The following MYO1D variants were observed in gnomAD, a reference collection of about 807,000 sequenced individuals.
MYO1D encodes the protein unconventional myosin-Id.
In MYO1D, 83 loss-of-function variants were observed where a neutral mutation model predicts 122.0. The ratio of observed to expected loss-of-function variants is 0.68; its 90% CI spans 0.57 to 0.82. The LOEUF is 0.82. Among genes scored for constraint, MYO1D ranks in the 40% least tolerant of loss-of-function variants. MYO1D has a pLI of 0.00. For synonymous variants in MYO1D, 464 were observed against 446.9 expected, an observed-to-expected ratio of 1.04 and a Z score of -0.48; for missense variants, 1,157 against 1,269.5, an observed-to-expected ratio of 0.91 and a Z score of 1.35.
At chr17:32,641,368 C>T (rs1461065025) in intron 19 of MYO1D, among the ~76,000 whole-genome samples, 1 of 152,004 alleles carries the variant, frequency 6.6e-6, no homozygotes, top group African/African-American at 2.4e-5. Context: ...CAAGTCTTTG[C>T]TATTGTGAAT....
chr17:32,584,971 T>C (rs547676752), intron 21 of MYO1D, among the ~76,000 whole-genome samples: 1 of 152,272 alleles, frequency 6.6e-6, no homozygotes, highest in Non-Finnish European at 1.5e-5. Context: ...TCCTAATAGG[T>C]CTGTTAATTC....
intron 16 of MYO1D, among the ~76,000 whole-genome samples, chr17:32,673,899 T>C (rs1371880313): frequency 6.6e-6 from 1 of 152,244 alleles, no homozygotes; most frequent in Non-Finnish European, 1.5e-5. Context: ...AATACTGGTG[T>C]TTGGATTATT....
At chr17:32,661,655 CAA>C (rs11367680) in intron 16 of MYO1D, among the ~76,000 whole-genome samples, 1,769 of 147,482 alleles carry the variant, frequency 0.012, 29 homozygotes, top group African/African-American at 0.037. Flanking sequence ...GACCCTGTCC[CAA>C]AAAAAAAAAA....
intron 16 of MYO1D, among the ~76,000 whole-genome samples, chr17:32,687,465 G>C (rs1284157168): frequency 6.6e-6 from 1 of 152,128 alleles, no homozygotes; most frequent in Non-Finnish European, 1.5e-5. Context: ...CCAAAGTGCT[G>C]GGATTACAGG....
chr17:32,662,701 T>G (rs1401588911), intron 16 of MYO1D, among the ~76,000 whole-genome samples: 1 of 151,930 alleles, frequency 6.6e-6, no homozygotes, highest in African/African-American at 2.4e-5. Context: ...TGTGTAAACT[T>G]GGGCAAGCTT....
At chr17:32,757,089 T>C (rs893141803) in intron 10 of MYO1D, among the ~76,000 whole-genome samples, 2 of 152,222 alleles carry the variant, frequency 1.3e-5, no homozygotes, top group Non-Finnish European at 2.9e-5. Context: ...ATACTCATAA[T>C]AGACCATTCA....
chr17:32,698,259 C>A (rs937538119), intron 16 of MYO1D, among the ~76,000 whole-genome samples: 3 of 149,774 alleles, frequency 2.0e-5, no homozygotes, highest in Non-Finnish European at 4.4e-5. Flanking sequence ...TTTCTTTTTC[C>A]TTCCTTCCTT....
intron 19 of MYO1D, among the ~76,000 whole-genome samples, chr17:32,644,972 T>C (rs984736588): frequency 6.6e-6 from 1 of 152,242 alleles, no homozygotes; most frequent in Non-Finnish European, 1.5e-5. Context: ...TAGCTGGTTA[T>C]TTTGCTCATT....
chr17:32,778,388 C>CA lies in MYO1D; in HGVS notation c.398+91dup. ...TGCTCAGCCCATAGGTTTAGACCCC[C>CA]AAAATGCTCAACCCCTAGAGTTTAG... On this transcript the variant is annotated intron_variant, in intron 3 of 21. Transcript: ENST00000318217. 5.6e-6 allele frequency: 7 copies of CA among 1,260,996 alleles called. No individual in the cohort carries two copies. The South Asian group carries it at 7.6e-5, about 14-fold the overall frequency. 78.1% of individuals were successfully genotyped at this position (1,260,996 alleles called of 1,614,324 possible). A position where few individuals can be genotyped will look rare whatever the true frequency, so the allele number is the denominator to read the frequency against.
intron 19 of MYO1D, among the ~76,000 whole-genome samples, chr17:32,649,523 T>C (rs2088354740): frequency 2.0e-5 from 3 of 152,250 alleles, no homozygotes; most frequent in Non-Finnish European, 2.9e-5. Context: ...CATGTATTTA[T>C]GGCTTTTTAT....
chr17:32,770,744 T>C (rs1403849852), intron 6 of MYO1D, among the ~76,000 whole-genome samples: 6 of 152,190 alleles, frequency 3.9e-5, no homozygotes, highest in African/African-American at 1.4e-4. Context: ...CAAAGTGCAT[T>C]TTAATTTTGT....
At chr17:32,864,326 C>T (rs953224679) in intron 1 of MYO1D, among the ~76,000 whole-genome samples, 1 of 151,584 alleles carries the variant, frequency 6.6e-6, no homozygotes, top group African/African-American at 2.4e-5. Context: ...CAAGCTTAGT[C>T]CCTAGATTTG....
At chr17:32,616,143 C>T (rs1441657051) in intron 20 of MYO1D, among the ~76,000 whole-genome samples, 1 of 152,048 alleles carries the variant, frequency 6.6e-6, no homozygotes, top group Non-Finnish European at 1.5e-5. Flanking sequence ...GTTGGGTATG[C>T]GGGGCAGGTA....
intron 20 of MYO1D, among the ~76,000 whole-genome samples, chr17:32,617,543 C>A (rs1414244334): frequency 6.6e-6 from 1 of 152,148 alleles, no homozygotes. Context: ...TGGGTTCCAG[C>A]AATCCTCCTG....
chr17:32,590,988 A>G (rs2087433569), intron 21 of MYO1D, among the ~76,000 whole-genome samples: 1 of 152,254 alleles, frequency 6.6e-6, no homozygotes, highest in Admixed American at 6.5e-5. Flanking sequence ...TTTCAACATA[A>G]AAGACAATGA....
intron 1 of MYO1D, among the ~76,000 whole-genome samples, chr17:32,842,351 G>C (rs976787308): frequency 6.6e-6 from 1 of 152,136 alleles, no homozygotes; most frequent in Non-Finnish European, 1.5e-5. Flanking sequence ...AGGTTTCCGA[G>C]ACAGTTAATC....
At chr17:32,708,686 C>T (rs2089338144) in intron 16 of MYO1D, among the ~76,000 whole-genome samples, 1 of 152,110 alleles carries the variant, frequency 6.6e-6, no homozygotes, top group South Asian at 2.1e-4. Context: ...ACATAAGATA[C>T]CCTGGAATGG....
intron 16 of MYO1D, among the ~76,000 whole-genome samples, chr17:32,703,265 A>G (rs1350326698): frequency 5.9e-5 from 9 of 152,138 alleles, no homozygotes; most frequent in African/African-American, 2.2e-4. Flanking sequence ...CCCCAAATAA[A>G]AACAATTCAC....
chr17:32,591,890 C>T (rs571024102), intron 21 of MYO1D, among the ~76,000 whole-genome samples: 1 of 152,206 alleles, frequency 6.6e-6, no homozygotes, highest in South Asian at 2.1e-4. Context: ...GAAAAAACAC[C>T]TTCAGGTTAT....
Sources: allele counts gnomAD v4.1 joint callset (sites outside exome capture counted in the v4.1 genomes callset), GRCh38; gene constraint gnomAD v4.1.1; transcripts MANE v1.5; gene names NCBI Gene and HGNC (gene_info 2026-07-23, HGNC 2026-07-21).